Variants in RIPK4 observed in about 807,000 individuals in gnomAD.
RIPK4 encodes receptor interacting serine/threonine kinase 4.
In RIPK4, 17 loss-of-function variants were observed where a neutral mutation model predicts 42.9. The ratio of observed to expected loss-of-function variants is 0.40; its 90% CI spans 0.27 to 0.59. The LOEUF is 0.59. Among genes scored for constraint, RIPK4 ranks in the 20% least tolerant of loss-of-function variants. RIPK4 has a pLI of 0.47. For missense variants in RIPK4, 897 were observed against 1,104.4 expected, an observed-to-expected ratio of 0.81 and a Z score of 2.66; for synonymous variants, 498 against 499.1, an observed-to-expected ratio of 1.00 and a Z score of 0.03.
chr21:41,742,500 G>A lies in RIPK4; in HGVS notation c.1196-503C>T, dbSNP rs1457543278. 1.3e-5 allele frequency among the ~76,000 whole-genome samples: 2 copies of A among 152,204 alleles called. No individual in the cohort carries two copies. The highest frequency in any genetic ancestry group is 4.8e-5 in the African/African-American group (2 of 41,458). On this transcript the variant is annotated intron_variant, in intron 7 of 7. Transcript: ENST00000332512. The surrounding 1 kb of genome is among the most constrained non-coding windows in gnomAD (Gnocchi z 5.1). Reference sequence around the variant, plus strand: ...GAAGTGGCACCTCCTGACCTGGGGAGGTTAAGTCGGAAGTTTTCTATGATA... The same window carrying A: ...GAAGTGGCACCTCCTGACCTGGGGAAGTTAAGTCGGAAGTTTTCTATGATA...
chr21:41,751,934 C>T lies in RIPK4; in HGVS notation c.475-689G>A, dbSNP rs1175191362. 6.6e-6 allele frequency among the ~76,000 whole-genome samples: 1 copy of T among 152,172 alleles called. No individual in the cohort carries two copies. The highest frequency in any genetic ancestry group is 2.4e-5 in the African/African-American group (1 of 41,438). On this transcript the variant is annotated intron_variant, in intron 2 of 7. Coordinates refer to ENST00000332512, the MANE Select transcript of RIPK4 (RefSeq NM_020639.3). This position sits in a 1 kb window ranked among gnomAD's most constrained non-coding sequence, Gnocchi z 4.5. ...CGGGCCCCAAGGAGCACCGGCCACC[C>T]AGCTCCTCCAGGAATGCCCTCAACG...
At chr21:41,745,100 C>T (rs756278346) in intron 6 of RIPK4, among the ~76,000 whole-genome samples, 3 of 152,166 alleles carry the variant, frequency 2.0e-5, no homozygotes, top group African/African-American at 4.8e-5. Context: ...TAGCAACCCC[C>T]GGGCACCTTT....
intron 1 of RIPK4, among the ~76,000 whole-genome samples, chr21:41,762,403 C>G (rs2061223366): frequency 6.6e-6 from 1 of 152,176 alleles, no homozygotes; most frequent in Admixed American, 6.5e-5. Flanking sequence ...ACACTGTTTA[C>G]CATCCAGTAA....
At chr21:41,745,376 A>G (rs1394659211) in intron 6 of RIPK4, among the ~76,000 whole-genome samples, 1 of 152,236 alleles carries the variant, frequency 6.6e-6, no homozygotes, top group African/African-American at 2.4e-5. Flanking sequence ...ATCAGAGTGC[A>G]GACCATTTAT....
rs180672040 is a variant in RIPK4, at chr21:41,755,993, C to T, written c.474+532G>A. 1.9e-3 allele frequency among the ~76,000 whole-genome samples: 292 copies of T among 152,348 alleles called. No homozygotes were observed. The highest frequency in any genetic ancestry group is 6.6e-3 in the African/African-American group (275 of 41,582). On this transcript the variant is annotated intron_variant, in intron 2 of 7. Transcript: ENST00000332512. This position sits in a 1 kb window ranked among gnomAD's most constrained non-coding sequence, Gnocchi z 4.2. ...TCCCAGGCGTTGCACTAACGCAACA[C>T]GCTGCCACTCCGCACTCTACGCAGG...
intron 1 of RIPK4, among the ~76,000 whole-genome samples, chr21:41,759,374 G>T (rs971642754): frequency 6.6e-6 from 1 of 152,112 alleles, no homozygotes; most frequent in Non-Finnish European, 1.5e-5. Context: ...TTACAGGCAT[G>T]AGTCACCGTG....
chr21:41,762,092 T>C (rs140166399), intron 1 of RIPK4, among the ~76,000 whole-genome samples: 3 of 152,308 alleles, frequency 2.0e-5, no homozygotes, highest in Non-Finnish European at 4.4e-5. Flanking sequence ...CCACCCCAGC[T>C]TTGCGCAACT....
chr21:41,754,228 G>A (rs966325304), intron 2 of RIPK4, among the ~76,000 whole-genome samples: 1 of 152,188 alleles, frequency 6.6e-6, no homozygotes, highest in Non-Finnish European at 1.5e-5. Context: ...TTCGTCTTCA[G>A]GAACAAAGGC....
intron 1 of RIPK4, among the ~76,000 whole-genome samples, chr21:41,759,873 G>C (rs949451477): frequency 3.3e-5 from 5 of 152,214 alleles, no homozygotes; most frequent in Admixed American, 1.3e-4. Context: ...TCTTGCTGTG[G>C]AAATTCCCAT....
intron 1 of RIPK4, among the ~76,000 whole-genome samples, chr21:41,764,327 G>A (rs555343967): frequency 3.3e-5 from 5 of 152,330 alleles, no homozygotes; most frequent in South Asian, 2.1e-4. Flanking sequence ...GGCAAGCAGC[G>A]TTGGCCAGTG....
In RIPK4 at chr21:41,746,906, A is replaced by C. The variant is rs13048502; in HGVS notation, c.674-135T>G. On this transcript the variant is annotated intron_variant, in intron 4 of 7. Coordinates refer to ENST00000332512, the MANE Select transcript of RIPK4 (RefSeq NM_020639.3). ...ACCACCCCAGGGAGACGGCTCCCCCACTCCGTTTCAAAGGCAGAGCTTCCT... is the reference window on the plus strand; with the variant it reads ...ACCACCCCAGGGAGACGGCTCCCCCCCTCCGTTTCAAAGGCAGAGCTTCCT... The C allele has an allele frequency of 0.027, 25,640 of 958,882 alleles. 505 individuals are homozygous for C. Among genetic ancestry groups the C allele is most frequent in the Middle Eastern group, 0.072 (311 of 4,330 alleles). The allele number at this position is 958,882 out of a possible 1,614,324, so 59.4% of individuals were successfully genotyped here. A position where few individuals can be genotyped will look rare whatever the true frequency, so the allele number is the denominator to read the frequency against.
Position 41,741,205 on chromosome 21 carries a change from T to C in RIPK4, c.1988A>G (p.Lys663Arg), listed in dbSNP as rs1463619300. ...GTAGCCGTCTGAGGTCATGGCCTCC[T>C]TGCCAGCGCCCCGATGCAGGAGCAG... Reference protein sequence around the residue: ...ARLLLHRGAGKEAMTSDGYTA... With the variant: ...ARLLLHRGAGREAMTSDGYTA... Residue 663 changes from lysine (K) to arginine (R), a missense_variant, in exon 8 of 8, where the codon AAG becomes AGG. Coordinates refer to ENST00000332512, the MANE Select transcript of RIPK4 (RefSeq NM_020639.3). 6.2e-7 allele frequency: 1 copy of C among 1,609,686 alleles called. No individual in the cohort carries two copies. The highest frequency in any genetic ancestry group is 8.5e-7 in the Non-Finnish European group (1 of 1,178,276).
At position 41,765,075 on chromosome 21, in the gene RIPK4, T is replaced by C. The variant is rs149776259; in HGVS notation, c.182+1785A>G. Among the ~76,000 whole-genome samples, 1,189 of 152,352 alleles carry C rather than the reference T, an allele frequency of 7.8e-3. 15 individuals carry two copies. Among genetic ancestry groups the C allele is most frequent in the African/African-American group, 0.026 (1,085 of 41,578 alleles). ...CCAGGCCACCCAAGAAATAAGGGAC[T>C]GGTCGCTAGAAATAACAGAAGATCC... On this transcript the variant is annotated intron_variant, in intron 1 of 7. Transcript: ENST00000332512.
In RIPK4 at chr21:41,742,471, C is replaced by T. The variant is rs913422928; in HGVS notation, c.1196-474G>A. On this transcript the variant is annotated intron_variant, in intron 7 of 7. Transcript: ENST00000332512. The surrounding 1 kb of genome is among the most constrained non-coding windows in gnomAD (Gnocchi z 5.1). ...AGGGGCTGCTCCAGCTCTTGCCCCA[C>T]CTCGAAGTGGCACCTCCTGACCTGG... Among the ~76,000 whole-genome samples, 1 of 152,232 alleles carries T rather than the reference C, an allele frequency of 6.6e-6. No homozygotes were observed. The highest frequency in any genetic ancestry group is 6.5e-5 in the Admixed American group (1 of 15,286).
chr21:41,744,779 C>A (rs191117431), intron 6 of RIPK4, among the ~76,000 whole-genome samples: 1 of 152,284 alleles, frequency 6.6e-6, no homozygotes, highest in African/African-American at 2.4e-5. Flanking sequence ...TGGGGCTGGC[C>A]TGGGGGCTGT....
chr21:41,761,613 C>G (rs889682892), intron 1 of RIPK4, among the ~76,000 whole-genome samples: 4 of 152,190 alleles, frequency 2.6e-5, no homozygotes, highest in African/African-American at 9.6e-5. Context: ...GAGGAAATGA[C>G]AATTCGGGTG....
At chr21:41,746,547 C>T in intron 5 of RIPK4, 66 bp downstream of exon 5, 2 of 1,576,120 alleles carry the variant, frequency 1.3e-6, no homozygotes, top group Non-Finnish European at 8.6e-7. Flanking sequence ...CTCACCCTGT[C>T]CTGTCTGTCA....
intron 7 of RIPK4, 134 bp downstream of exon 7, chr21:41,743,748 C>T: frequency 8.5e-7 from 1 of 1,177,820 alleles, no homozygotes; most frequent in Non-Finnish European, 1.2e-6. Context: ...TTACTTAAGA[C>T]AGAGAGAACA....
rs1391374284 is a variant in RIPK4 at position 41,763,829 on chromosome 21, G to A, written c.182+3031C>T. Among the ~76,000 whole-genome samples the A allele has an allele frequency of 3.3e-5, 5 of 152,202 alleles. No individual in the cohort carries two copies. The South Asian group carries it at 8.3e-4, about 25-fold the overall frequency. On this transcript the variant is annotated intron_variant, in intron 1 of 7. Coordinates refer to ENST00000332512, the MANE Select transcript of RIPK4 (RefSeq NM_020639.3). ...AATGTGGCAGGAGCGTCTCCCAGCC[G>A]GCGCCCCGCAGGCACTGGCTTCTTC...
Sources: allele counts gnomAD v4.1 joint callset (sites outside exome capture counted in the v4.1 genomes callset), GRCh38; gene constraint gnomAD v4.1.1; non-coding constraint Gnocchi (gnomAD v3.1); transcripts MANE v1.5; gene names NCBI Gene and HGNC (gene_info 2026-07-23, HGNC 2026-07-21).